MYLK: variants seen among roughly 807,000 people sequenced by gnomAD.
MYLK encodes myosin light chain kinase, smooth muscle.
A neutral mutation model predicts 203.4 loss-of-function variants in MYLK; 106 were observed. The observed-to-expected ratio is 0.52, with a 90% CI of 0.45 to 0.61. MYLK has a LOEUF of 0.61. Among genes scored for constraint, MYLK ranks in the 20% least tolerant of loss-of-function variants. The pLI is 0.00. For missense variants in MYLK, 2,072 were observed against 2,442.3 expected, an observed-to-expected ratio of 0.85 and a Z score of 3.20; for synonymous variants, 867 against 959.5, an observed-to-expected ratio of 0.90 and a Z score of 1.78.
At chr3:123,725,466 G>A (rs2108754897) in intron 12 of MYLK, among the ~76,000 whole-genome samples, 1 of 152,306 alleles carries the variant, frequency 6.6e-6, no homozygotes, top group African/African-American at 2.4e-5. Flanking sequence ...ACTGGTCTGT[G>A]AGTCCCAGAA....
intron 3 of MYLK, among the ~76,000 whole-genome samples, chr3:123,798,379 G>C (rs1473904685): frequency 2.6e-5 from 4 of 152,176 alleles, no homozygotes; most frequent in Non-Finnish European, 5.9e-5. Flanking sequence ...AAGAGGGGCA[G>C]AGCATGTGCC....
chr3:123,711,975 C>A (rs1455198782), intron 13 of MYLK, among the ~76,000 whole-genome samples: 1 of 152,164 alleles, frequency 6.6e-6, no homozygotes, highest in African/African-American at 2.4e-5. Context: ...CCTCTGGGAA[C>A]CTGGATGGGG....
intron 4 of MYLK, among the ~76,000 whole-genome samples, chr3:123,787,937 G>A (rs1375156911): frequency 6.6e-6 from 1 of 152,218 alleles, no homozygotes; most frequent in Non-Finnish European, 1.5e-5. Flanking sequence ...AAGGGAGCAG[G>A]ACCATCACCA....
intron 11 of MYLK, among the ~76,000 whole-genome samples, chr3:123,730,361 G>A (rs1314567797): frequency 6.6e-6 from 1 of 152,106 alleles, no homozygotes; most frequent in Non-Finnish European, 1.5e-5. Context: ...TTCCTCAGAG[G>A]GTTAAATCCA....
At chr3:123,666,819 G>C (rs2059750399) in intron 21 of MYLK, 1 of 568,944 alleles carries the variant, frequency 1.8e-6, no homozygotes, top group African/African-American at 1.9e-5. Flanking sequence ...TGTACACAAG[G>C]GTAGGGCAGA....
intron 2 of MYLK, among the ~76,000 whole-genome samples, chr3:123,874,726 G>A (rs1276385227): frequency 1.3e-5 from 2 of 152,074 alleles, no homozygotes; most frequent in East Asian, 3.8e-4. Context: ...GAAAATATTT[G>A]CCAAACACGT....
chr3:123,653,192 C>T (rs996139025), intron 24 of MYLK, among the ~76,000 whole-genome samples: 1 of 152,096 alleles, frequency 6.6e-6, no homozygotes, highest in South Asian at 2.1e-4. Flanking sequence ...ATCTGCTCCA[C>T]AGAAATGACC....
chr3:123,743,275 C>G (rs1560162081), intron 5 of MYLK, among the ~76,000 whole-genome samples: 1 of 151,960 alleles, frequency 6.6e-6, no homozygotes, highest in Non-Finnish European at 1.5e-5. Context: ...CAAAGAATAG[C>G]AAAAGAATGC....
intron 13 of MYLK, among the ~76,000 whole-genome samples, chr3:123,719,005 A>C (rs2108721610): frequency 6.6e-6 from 1 of 152,310 alleles, no homozygotes; most frequent in Non-Finnish European, 1.5e-5. Context: ...GGCTTCCCAG[A>C]GAAAGTGACA....
chr3:123,879,946 G>T (rs2033421864), intron 1 of MYLK, among the ~76,000 whole-genome samples: 1 of 152,206 alleles, frequency 6.6e-6, no homozygotes, highest in Non-Finnish European at 1.5e-5. Flanking sequence ...GAGCCACCGT[G>T]CCTGGCCCAC....
At chr3:123,774,952 G>T (rs1438510978) in intron 4 of MYLK, among the ~76,000 whole-genome samples, 2 of 152,170 alleles carry the variant, frequency 1.3e-5, no homozygotes, top group Non-Finnish European at 2.9e-5. Flanking sequence ...TGCAAAGAAG[G>T]TTAAGGATCT....
intron 4 of MYLK, among the ~76,000 whole-genome samples, chr3:123,776,118 C>A (rs1443642829): frequency 6.6e-6 from 1 of 152,170 alleles, no homozygotes; most frequent in East Asian, 1.9e-4. Context: ...CCTGCTGGTC[C>A]CCGTGTGGCA....
rs201061255 is a variant in MYLK at position 123,664,286 on chromosome 3, G to C, written c.3832-28C>G. On this transcript the variant is annotated intron_variant, in intron 22 of 33. Transcript: ENST00000360304. ...AGGGGCGGAGGATGGAGCAGGTGCT[G>C]GAGCCTTGGGCCCCTGGGCTAGGAA... 4 of 1,614,118 alleles carry C rather than the reference G, an allele frequency of 2.5e-6. No individual in the cohort carries two copies. The African/African-American group carries it at 5.3e-5, about 22-fold the overall frequency.
chr3:123,630,056 T>C (rs2058345776), intron 29 of MYLK, among the ~76,000 whole-genome samples: 1 of 151,490 alleles, frequency 6.6e-6, no homozygotes, highest in African/African-American at 2.4e-5. Flanking sequence ...TGTCCCCTCC[T>C]TCCCACCTCT....
At chr3:123,672,207 G>GGA (rs3085308) in intron 20 of MYLK, among the ~76,000 whole-genome samples, 16,688 of 146,348 alleles carry the variant, frequency 0.11, 1,961 homozygotes, top group East Asian at 0.37. Flanking sequence ...GGCAGGGGGA[G>GGA]GAGAGAGAGA....
chr3:123,708,292 C>T (rs11919854), intron 15 of MYLK, among the ~76,000 whole-genome samples: 12,577 of 152,196 alleles, frequency 0.083, 1,773 homozygotes, highest in African/African-American at 0.29. Flanking sequence ...GTATCCAATG[C>T]GTGTGATTAA....
chr3:123,839,442 A>C (rs2682201), intron 2 of MYLK, among the ~76,000 whole-genome samples: 126,981 of 152,094 alleles, frequency 0.83, 53,173 homozygotes, highest in East Asian at 0.95. Flanking sequence ...TTTCAGGAAA[A>C]GGAATATTAC....
At chr3:123,718,882 G>A (rs1359674658) in intron 13 of MYLK, among the ~76,000 whole-genome samples, 1 of 152,302 alleles carries the variant, frequency 6.6e-6, no homozygotes, top group East Asian at 1.9e-4. Context: ...AGTTTCCCCA[G>A]AACAATGCCT....
At chr3:123,812,299 G>A (rs1158090256) in intron 3 of MYLK, among the ~76,000 whole-genome samples, 2 of 152,194 alleles carry the variant, frequency 1.3e-5, no homozygotes, top group African/African-American at 4.8e-5. Flanking sequence ...CAAATGAGGG[G>A]CGGTCAGAAC....
Sources: gnomAD v4.1 joint callset for allele counts (sites outside exome capture counted in the v4.1 genomes callset) on GRCh38, gnomAD v4.1.1 for gene constraint, MANE v1.5 for transcripts, NCBI Gene and HGNC (gene_info 2026-07-23, HGNC 2026-07-21) for gene names.